AGMO: variants seen among roughly 807,000 people sequenced by gnomAD.
AGMO encodes the protein alkylglycerol monooxygenase.
Under a neutral mutation model 60.2 loss-of-function variants are expected in AGMO, and 75 were observed. The observed-to-expected ratio is 1.25, with a 90% CI of 1.03 to 1.51. AGMO has a LOEUF of 1.51. AGMO is among the 40% of genes most tolerant of loss of function. The pLI is 0.00. For synonymous variants in AGMO, 261 were observed against 177.1 expected (o/e 1.47, Z -3.76); for missense variants, 763 against 525.5 (o/e 1.45, Z -4.42).
chr7:15,214,977 A>G (rs915594143), intron 12 of AGMO, among the ~76,000 whole-genome samples: 2 of 152,146 alleles, frequency 1.3e-5, no homozygotes, highest in Non-Finnish European at 2.9e-5. Flanking sequence ...ATCCTATAAG[A>G]GCCTATGCCA....
intron 12 of AGMO, among the ~76,000 whole-genome samples, chr7:15,257,706 G>C (rs1308934099): frequency 6.6e-6 from 1 of 152,152 alleles, no homozygotes; most frequent in African/African-American, 2.4e-5. Flanking sequence ...ATCTGTTTAG[G>C]AAGTTACAGT....
intron 10 of AGMO, among the ~76,000 whole-genome samples, chr7:15,377,088 T>A (rs115166158): frequency 2.0e-5 from 3 of 152,120 alleles, no homozygotes; most frequent in African/African-American, 7.2e-5. Context: ...TGTGTGATTA[T>A]TGGCTACAGT....
chr7:15,537,297 C>G (rs1250147382), intron 3 of AGMO, among the ~76,000 whole-genome samples: 1 of 152,016 alleles, frequency 6.6e-6, no homozygotes, highest in African/African-American at 2.4e-5. Flanking sequence ...AGTGGTTAAT[C>G]CCAAGGTTAT....
intron 5 of AGMO, among the ~76,000 whole-genome samples, chr7:15,395,398 T>C (rs979712051): frequency 1.3e-5 from 2 of 152,176 alleles, no homozygotes; most frequent in African/African-American, 2.4e-5. Flanking sequence ...CCTTTAGATA[T>C]CGATTTGAAC....
chr7:15,335,532 C>T (rs1412332973), intron 12 of AGMO, among the ~76,000 whole-genome samples: 1 of 152,036 alleles, frequency 6.6e-6, no homozygotes, highest in African/African-American at 2.4e-5. Flanking sequence ...TATTTAGTCA[C>T]TCGCTTACTT....
At chr7:15,524,595 G>C (rs1784076252) in intron 3 of AGMO, among the ~76,000 whole-genome samples, 1 of 152,024 alleles carries the variant, frequency 6.6e-6, no homozygotes, top group Non-Finnish European at 1.5e-5. Context: ...GGGCACACTG[G>C]CTCATGCCTG....
intron 12 of AGMO, among the ~76,000 whole-genome samples, chr7:15,221,399 G>A (rs1781917185): frequency 6.6e-6 from 1 of 151,748 alleles, no homozygotes; most frequent in Admixed American, 6.6e-5. Context: ...CATAATCACA[G>A]AAAGAGAGAA....
intron 3 of AGMO, among the ~76,000 whole-genome samples, chr7:15,508,631 C>A (rs1465768010): frequency 1.3e-5 from 2 of 151,934 alleles, no homozygotes; most frequent in Non-Finnish European, 2.9e-5. Context: ...AGGGAAAGTT[C>A]ACCAATAAGA....
chr7:15,349,380 T>C (rs1782150250), intron 12 of AGMO, among the ~76,000 whole-genome samples: 1 of 152,148 alleles, frequency 6.6e-6, no homozygotes, highest in African/African-American at 2.4e-5. Flanking sequence ...TTTTGTCTAC[T>C]TTGATTATTC....
chr7:15,451,556 A>C (rs6947721), intron 3 of AGMO, among the ~76,000 whole-genome samples: 2 of 151,952 alleles, frequency 1.3e-5, no homozygotes, highest in Admixed American at 1.3e-4. Flanking sequence ...CGAGCAGACA[A>C]ATTCCCTCAG....
chr7:15,449,577 G>C (rs6975472), intron 3 of AGMO, among the ~76,000 whole-genome samples: 27,130 of 152,048 alleles, frequency 0.18, 2,874 homozygotes, highest in African/African-American at 0.28. Context: ...TTGTAGCCTA[G>C]GAGCAATAGG....
chr7:15,231,439 C>G (rs1019785900), intron 12 of AGMO, among the ~76,000 whole-genome samples: 5 of 152,162 alleles, frequency 3.3e-5, no homozygotes, highest in African/African-American at 1.2e-4. Flanking sequence ...AAATTGGCAT[C>G]CCTCATATCA....
At chr7:15,360,589 G>A (rs910220409) in intron 12 of AGMO, among the ~76,000 whole-genome samples, 1 of 152,140 alleles carries the variant, frequency 6.6e-6, no homozygotes, top group Non-Finnish European at 1.5e-5. Flanking sequence ...TGAGGAGGAG[G>A]AGGAAGAGGT....
At chr7:15,270,815 T>A (rs1783583964) in intron 12 of AGMO, among the ~76,000 whole-genome samples, 1 of 143,808 alleles carries the variant, frequency 7.0e-6, no homozygotes, top group Non-Finnish European at 1.5e-5. Context: ...GTCTTTAATT[T>A]TTAAGTATTG....
intron 8 of AGMO, among the ~76,000 whole-genome samples, chr7:15,388,932 C>T (rs1303357607): frequency 6.6e-6 from 1 of 152,166 alleles, no homozygotes; most frequent in African/African-American, 2.4e-5. Flanking sequence ...GGGGAAAGAC[C>T]TAGAGAATTG....
chr7:15,382,070 G>T (rs530702575), intron 10 of AGMO, among the ~76,000 whole-genome samples: 11 of 151,950 alleles, frequency 7.2e-5, no homozygotes, highest in Non-Finnish European at 1.5e-4. Context: ...TGGGTACTAG[G>T]CTTAATACCT....
At chr7:15,389,430 T>C (rs533794744) in intron 8 of AGMO, among the ~76,000 whole-genome samples, 5 of 152,326 alleles carry the variant, frequency 3.3e-5, no homozygotes, top group East Asian at 3.9e-4. Flanking sequence ...ATCCAAAATA[T>C]TTGCTTATAT....
At chr7:15,519,897 G>A (rs946013979) in intron 3 of AGMO, among the ~76,000 whole-genome samples, 1 of 149,732 alleles carries the variant, frequency 6.7e-6, no homozygotes, top group Non-Finnish European at 1.5e-5. Flanking sequence ...TTGGTGTGCT[G>A]TATTCAGGAG....
the AGMO span, among the ~76,000 whole-genome samples, chr7:15,144,762 G>A: frequency 4.6e-5 from 7 of 152,148 alleles, no homozygotes; most frequent in African/African-American, 2.4e-5. Context: ...CTGGTGTTAG[G>A]AATTATGTCT....
Sources: allele counts gnomAD v4.1 joint callset (sites outside exome capture counted in the v4.1 genomes callset), GRCh38; gene constraint gnomAD v4.1.1; transcripts MANE v1.5; gene names NCBI Gene and HGNC (gene_info 2026-07-23, HGNC 2026-07-21).